MARCHF4: variants seen among roughly 807,000 people sequenced by gnomAD.
The protein encoded by MARCHF4 is E3 ubiquitin-protein ligase MARCHF4.
Under a neutral mutation model 43.9 loss-of-function variants are expected in MARCHF4, and 14 were observed. That is an observed-to-expected ratio of 0.32 (90% CI 0.21 to 0.50). The LOEUF is 0.50. MARCHF4 is among the 20% of genes least tolerant of loss of function. The pLI, the probability that MARCHF4 is intolerant of heterozygous loss-of-function variation, is 0.98. For missense variants in MARCHF4, 468 were observed against 536.7 expected, an observed-to-expected ratio of 0.87 and a Z score of 1.27; for synonymous variants, 226 against 213.3, an observed-to-expected ratio of 1.06 and a Z score of -0.52.
chr2:216,364,179 G>T (rs1692630600), intron 1 of MARCHF4, among the ~76,000 whole-genome samples: 1 of 152,108 alleles, frequency 6.6e-6, no homozygotes, highest in Non-Finnish European at 1.5e-5. Context: ...CTTCTGCAGA[G>T]CACACCTTTG....
chr2:216,296,249 G>C (rs939922729), intron 1 of MARCHF4, among the ~76,000 whole-genome samples: 3 of 152,234 alleles, frequency 2.0e-5, no homozygotes, highest in Non-Finnish European at 4.4e-5. Flanking sequence ...GGGAGGCTGA[G>C]GCAGGAGAAT....
At chr2:216,295,312 G>A (rs1454832996) in intron 1 of MARCHF4, among the ~76,000 whole-genome samples, 2 of 152,224 alleles carry the variant, frequency 1.3e-5, no homozygotes, top group Non-Finnish European at 2.9e-5. Context: ...CCAGGCTGGA[G>A]TGTAGTGGCG....
chr2:216,289,088 T>A (rs968740499), intron 1 of MARCHF4, among the ~76,000 whole-genome samples: 68 of 149,446 alleles, frequency 4.6e-4, no homozygotes, highest in Admixed American at 1.8e-3. Flanking sequence ...TTTATTTATT[T>A]TTTTTGGAGA....
At chr2:216,279,642 G>A (rs1440481084) in intron 2 of MARCHF4, among the ~76,000 whole-genome samples, 1 of 152,202 alleles carries the variant, frequency 6.6e-6, no homozygotes, top group Non-Finnish European at 1.5e-5. Context: ...GATTGGCCTG[G>A]CCAGTGGCCT....
chr2:216,358,570 T>A (rs1692534640), intron 1 of MARCHF4, among the ~76,000 whole-genome samples: 1 of 152,136 alleles, frequency 6.6e-6, no homozygotes, highest in South Asian at 2.1e-4. Context: ...CTCCTCTTTT[T>A]ATAAAAGAGC....
rs201864850 is a variant in MARCHF4 at position 216,320,759 on chromosome 2, C to T, written c.517-37030G>A. Among the ~76,000 whole-genome samples the T allele has an allele frequency of 5.3e-5, 8 of 150,212 alleles. No homozygotes were observed. The East Asian group carries it at 1.4e-3, about 26-fold the overall frequency. On this transcript the variant is annotated intron_variant, in intron 1 of 3. Coordinates refer to ENST00000273067, the MANE Select transcript of MARCHF4 (RefSeq NM_020814.3). ...GATCTCGGCTCACTGCAACCTCTGC[C>T]TCCCAGGTTCAAATGATTCTCCTGC... is the stretch of plus-strand genomic sequence containing the variant.
At chr2:216,297,070 A>G (rs1559092526) in intron 1 of MARCHF4, among the ~76,000 whole-genome samples, 1 of 152,226 alleles carries the variant, frequency 6.6e-6, no homozygotes, top group East Asian at 1.9e-4. Flanking sequence ...CCTGTCAGGA[A>G]TAAGCATGCT....
chr2:216,292,554 A>G (rs1691324925), intron 1 of MARCHF4, among the ~76,000 whole-genome samples: 1 of 152,238 alleles, frequency 6.6e-6, no homozygotes, highest in East Asian at 1.9e-4. Context: ...GATCATCTCT[A>G]TGATGATAGA....
chr2:216,328,381 G>A (rs1290641610), intron 1 of MARCHF4, among the ~76,000 whole-genome samples: 1 of 152,150 alleles, frequency 6.6e-6, no homozygotes, highest in Non-Finnish European at 1.5e-5. Flanking sequence ...TGGCCAGAAT[G>A]GTCTCGATCT....
chr2:216,260,994 T>C (rs954125185), intron 3 of MARCHF4, among the ~76,000 whole-genome samples: 1 of 152,166 alleles, frequency 6.6e-6, no homozygotes, highest in Non-Finnish European at 1.5e-5. Flanking sequence ...GAGAAAGATC[T>C]GGACAACTTC....
intron 1 of MARCHF4, among the ~76,000 whole-genome samples, chr2:216,352,078 G>C (rs556056187): frequency 3.9e-5 from 6 of 152,162 alleles, no homozygotes; most frequent in Non-Finnish European, 7.3e-5. Context: ...AAAAGATCTG[G>C]AATGAAAGTA....
chr2:216,294,561 T>C (rs930105214), intron 1 of MARCHF4, among the ~76,000 whole-genome samples: 6 of 152,202 alleles, frequency 3.9e-5, no homozygotes, highest in Non-Finnish European at 5.9e-5. Context: ...TGCCACCCTC[T>C]CAGGCTGGCA....
In MARCHF4 at chr2:216,277,744, T is replaced by C; in HGVS notation, c.793A>G (p.Arg265Gly). ...LIWSTFSPSA[R>G]WQRQDLLFQI... ...AAGAGAAGGTCTTGGCGCTGCCATC[T>C]TGCCGAGGGGCTGAAAGTTGACCAG... The change falls in exon 3 of 4, where the codon AGA becomes GGA. Residue 265 changes from arginine to glycine, a missense_variant. By Grantham distance (125) the Arg-to-Gly change is moderately radical. Around this residue, in one of 3 missense-constraint regions of MARCHF4, gnomAD observed 158 missense variants for 251.1 expected, o/e 0.63. Transcript: ENST00000273067. The C allele has an allele frequency of 1.2e-6, 2 of 1,614,208 alleles. No homozygotes were observed. Among genetic ancestry groups the C allele is most frequent in the Non-Finnish European group, 1.7e-6 (2 of 1,180,012 alleles).
intron 1 of MARCHF4, among the ~76,000 whole-genome samples, chr2:216,346,682 A>T (rs745341091): frequency 3.0e-4 from 45 of 152,210 alleles, no homozygotes; most frequent in Admixed American, 1.6e-3. Context: ...CAGAGGGAAT[A>T]GTGGTCCATA....
intron 1 of MARCHF4, among the ~76,000 whole-genome samples, chr2:216,328,067 T>C (rs1477998122): frequency 6.6e-6 from 1 of 152,208 alleles, no homozygotes; most frequent in Non-Finnish European, 1.5e-5. Context: ...TTATAATCCC[T>C]GTTGTAGTTC....
chr2:216,264,636 T>TACA (rs1690815480), intron 3 of MARCHF4, among the ~76,000 whole-genome samples: 1 of 152,016 alleles, frequency 6.6e-6, no homozygotes, highest in African/African-American at 2.4e-5. Context: ...AGAGATGGGG[T>TACA]GTGGAGAGAG....
rs72944629 is a variant in MARCHF4 at position 216,316,484 on chromosome 2, G to A, written c.517-32755C>T. On this transcript the variant is annotated intron_variant, in intron 1 of 3. Transcript: ENST00000273067. Reference sequence around the variant, plus strand: ...GAGATGAAAGGCAAATTTCTAGAACGGGGTATTGCATAGTGGAAGAAGGAA... The same window carrying A: ...GAGATGAAAGGCAAATTTCTAGAACAGGGTATTGCATAGTGGAAGAAGGAA... Among the ~76,000 whole-genome samples, 1,016 of 152,256 alleles carry A rather than the reference G, an allele frequency of 6.7e-3. 8 individuals carry two copies. Among genetic ancestry groups the A allele is most frequent in the Admixed American group, 0.011 (172 of 15,296 alleles).
At chr2:216,340,645 C>T (rs1448298356) in intron 1 of MARCHF4, among the ~76,000 whole-genome samples, 1 of 152,150 alleles carries the variant, frequency 6.6e-6, no homozygotes, top group Non-Finnish European at 1.5e-5. Flanking sequence ...TCTCCCATGC[C>T]CCTAGGACTT....
chr2:216,360,267 T>TTG (rs1692556515), intron 1 of MARCHF4, among the ~76,000 whole-genome samples: 1 of 152,208 alleles, frequency 6.6e-6, no homozygotes, highest in Non-Finnish European at 1.5e-5. Context: ...ACTATTATTT[T>TTG]CTTCAAACTT....
Sources: gnomAD v4.1 joint callset for allele counts (sites outside exome capture counted in the v4.1 genomes callset) on GRCh38, gnomAD v4.1.1 for gene constraint, gnomAD v4.1.1 regional missense constraint, MANE v1.5 for transcripts, NCBI Gene and HGNC (gene_info 2026-07-23, HGNC 2026-07-21) for gene names.